RIC3: variants seen among roughly 807,000 people sequenced by gnomAD.
The protein encoded by RIC3 is RIC3 acetylcholine receptor chaperone.
RIC3 carries 28 observed loss-of-function variants against 27.3 expected under a neutral mutation model. That is an observed-to-expected ratio of 1.02 (90% CI 0.76 to 1.41). The LOEUF is 1.41. RIC3 is among the 40% of genes most tolerant of loss of function. The pLI, the probability that RIC3 is intolerant of heterozygous loss-of-function variation, is 0.00. For synonymous variants in RIC3, 184 were observed against 160.4 expected, an observed-to-expected ratio of 1.15 and a Z score of -1.11; for missense variants, 501 against 444.7, an observed-to-expected ratio of 1.13 and a Z score of -1.14.
At chr11:8,136,069 C>T (rs1238261056) in intron 4 of RIC3, among the ~76,000 whole-genome samples, 1 of 152,134 alleles carries the variant, frequency 6.6e-6, no homozygotes, top group Non-Finnish European at 1.5e-5. Flanking sequence ...ACTCTGCTTT[C>T]CAGGCAAAAA....
chr11:8,165,060 T>C (rs1951557656), intron 1 of RIC3, among the ~76,000 whole-genome samples: 2 of 152,182 alleles, frequency 1.3e-5, no homozygotes, highest in Admixed American at 6.5e-5. Flanking sequence ...GGTGGTCATG[T>C]AAAATGGTAC....
At chr11:8,103,981 G>A (rs1944412119), downstream of RIC3, 1 of 152,202 alleles carries the variant, frequency 6.6e-6, no homozygotes, top group African/African-American at 2.4e-5. Flanking sequence ...GCCTAAGTGT[G>A]GAGAAGGATA....
At chr11:8,166,409 C>T (rs1244407200) in intron 1 of RIC3, among the ~76,000 whole-genome samples, 1 of 152,126 alleles carries the variant, frequency 6.6e-6, no homozygotes, top group African/African-American at 2.4e-5. Context: ...GTTTCATGCA[C>T]ATCAATGGGC....
At chr11:8,168,836 G>A in intron 1 of RIC3, 30 bp downstream of exon 1, 3 of 1,600,302 alleles carry the variant, frequency 1.9e-6, no homozygotes, top group Non-Finnish European at 2.6e-6. Flanking sequence ...TCGGCGCCGG[G>A]AAGCTCAGAG....
chr11:8,161,506 T>C (rs1951158361), intron 1 of RIC3, among the ~76,000 whole-genome samples: 1 of 152,220 alleles, frequency 6.6e-6, no homozygotes, highest in Admixed American at 6.5e-5. Flanking sequence ...ATCTATCCAT[T>C]GATAACCTCT....
the RIC3 span, among the ~76,000 whole-genome samples, chr11:8,093,411 T>C: frequency 6.6e-6 from 1 of 152,182 alleles, no homozygotes; most frequent in Non-Finnish European, 1.5e-5. Context: ...GAGAGAATGT[T>C]GGTCTTCAGC....
At chr11:8,135,414 C>T (rs562069854) in intron 4 of RIC3, among the ~76,000 whole-genome samples, 4 of 152,308 alleles carry the variant, frequency 2.6e-5, no homozygotes, top group Admixed American at 1.3e-4. Flanking sequence ...AGTCAGGTAG[C>T]ATGATGCCTC....
chr11:8,144,220 A>G (rs1263805975), intron 1 of RIC3, among the ~76,000 whole-genome samples: 1 of 151,408 alleles, frequency 6.6e-6, no homozygotes, highest in Admixed American at 6.6e-5. Context: ...AGCAAAAGAA[A>G]CTACCATCAG....
At chr11:8,123,519 A>T (rs1172075029) in intron 5 of RIC3, among the ~76,000 whole-genome samples, 1 of 152,232 alleles carries the variant, frequency 6.6e-6, no homozygotes, top group African/African-American at 2.4e-5. Context: ...ACAAATTACC[A>T]GGATCAAGAA....
Position 8,137,397 on chromosome 11 carries a change from C to G in RIC3, c.502G>C (p.Val168Leu), listed in dbSNP as rs777471396. 3.5e-5 allele frequency: 57 copies of G among 1,613,944 alleles called. 1 individual carries two copies. The South Asian group carries it at 5.4e-4, about 15-fold the overall frequency. The part of the protein sequence containing the change: ...EAAMEKLINR[V>L]GPNGESRAQT... ...ACCTACCTCTCACCATTAGGTCCCA[C>G]TCTGTTGATTAATTTTTCCATGGCT... Residue 168 changes from valine (V) to leucine (L), a missense_variant, in exon 4 of 6, where the codon GTG (valine) becomes CTG (leucine). Coordinates refer to ENST00000309737, the MANE Select transcript of RIC3 (RefSeq NM_001206671.4).
intron 1 of RIC3, among the ~76,000 whole-genome samples, chr11:8,165,053 G>A (rs924386394): frequency 6.6e-6 from 1 of 152,114 alleles, no homozygotes; most frequent in African/African-American, 2.4e-5. Context: ...CACTGCTGGT[G>A]GTCATGTAAA....
intron 1 of RIC3, among the ~76,000 whole-genome samples, chr11:8,150,235 G>A (rs1236777103): frequency 1.3e-5 from 2 of 152,056 alleles, no homozygotes; most frequent in East Asian, 1.9e-4. Flanking sequence ...CCACCCTGAA[G>A]GTTGTAACCC....
chr11:8,101,948 G>T (rs753704492), downstream of RIC3: 12 of 345,422 alleles, frequency 3.5e-5, no homozygotes, highest in African/African-American at 2.3e-4. Context: ...TGGGAAGGCC[G>T]CAAGAGGCAT....
chr11:8,154,096 AT>A (rs550173960), intron 1 of RIC3, among the ~76,000 whole-genome samples: 23 of 150,632 alleles, frequency 1.5e-4, no homozygotes, highest in South Asian at 6.3e-4. Context: ...TCTAGTGGGA[AT>A]TTTTTTTTTA....
chr11:8,149,305 A>G (rs1950015237), intron 1 of RIC3, among the ~76,000 whole-genome samples: 1 of 152,140 alleles, frequency 6.6e-6, no homozygotes, highest in Admixed American at 6.5e-5. Context: ...GCACACCAGG[A>G]GGAAAGAAGA....
At chr11:8,140,856 A>C (rs1157919436) in intron 1 of RIC3, among the ~76,000 whole-genome samples, 1 of 151,990 alleles carries the variant, frequency 6.6e-6, no homozygotes, top group Non-Finnish European at 1.5e-5. Context: ...TACAAGCCAG[A>C]AGAGAGTGGG....
rs551804844 is a variant in RIC3 at position 8,135,134 on chromosome 11, T to C, written c.521+2244A>G. On this transcript the variant is annotated intron_variant, in intron 4 of 5. Coordinates refer to ENST00000309737, the MANE Select transcript of RIC3 (RefSeq NM_001206671.4). ...GTTTTAGGTCTAACATTTAAGTCTTTAAACCATCTTGAATTAATTTTTGTA... is the reference window on the plus strand; with the variant it reads ...GTTTTAGGTCTAACATTTAAGTCTTCAAACCATCTTGAATTAATTTTTGTA... Among the ~76,000 whole-genome samples, 5 of 152,368 alleles carry C rather than the reference T, an allele frequency of 3.3e-5. No homozygotes were observed. The South Asian group carries it at 8.3e-4, about 25-fold the overall frequency.
rs981787127 is a variant in RIC3, at chr11:8,168,791, G to A, written c.124+75C>T. The stretch of plus-strand genomic sequence containing the variant: ...TCGGTGAAGGCTGCAGACTCTCAGA[G>A]TCACCCCTCCCTCAAGCAGCGTTCT... On this transcript the variant is annotated intron_variant, in intron 1 of 5. Transcript: ENST00000309737. 19 of 1,541,014 alleles carry A rather than the reference G, an allele frequency of 1.2e-5. No individual in the cohort carries two copies. The African/African-American group carries it at 2.3e-4, about 18-fold the overall frequency.
At chr11:8,101,408 G>A, downstream of RIC3, 1 of 1,561,548 alleles carries the variant, frequency 6.4e-7, no homozygotes. Context: ...CATGTGGTTT[G>A]GGTGTCTGTC....
Sources: allele counts gnomAD v4.1 joint callset (sites outside exome capture counted in the v4.1 genomes callset), GRCh38; gene constraint gnomAD v4.1.1; transcripts MANE v1.5; gene names NCBI Gene and HGNC (gene_info 2026-07-23, HGNC 2026-07-21).